C16orf95: variants seen among roughly 807,000 people sequenced by gnomAD.
C16orf95 encodes the protein chromosome 16 open reading frame 95.
In C16orf95, 41 loss-of-function variants were observed where a neutral mutation model predicts 32.1. The observed-to-expected ratio is 1.28, with a 90% CI of 1.00 to 1.66. The LOEUF (loss-of-function observed/expected upper bound fraction) is 1.66, where lower values mean the gene tolerates loss of function less well. Ranked by LOEUF, C16orf95 falls within the 40% of genes most tolerant of loss-of-function variation. The probability of loss-of-function intolerance (pLI) is 0.00; values close to 1 mark genes in which losing one functional copy is unlikely to be tolerated. For missense variants in C16orf95, 399 were observed against 325.9 expected, an observed-to-expected ratio of 1.22 and a Z score of -1.73; for synonymous variants, 147 against 128.9, an observed-to-expected ratio of 1.14 and a Z score of -0.95.
chr16:87,306,963 A>C (rs1216547022), intron 5 of C16orf95, among the ~76,000 whole-genome samples: 1 of 152,210 alleles, frequency 6.6e-6, no homozygotes, highest in African/African-American at 2.4e-5. Context: ...ATTTAATAAA[A>C]ATAAACCCAA....
Position 87,310,276 on chromosome 16 carries a change from A to G in C16orf95, c.514+21T>C, listed in dbSNP as rs760524291. On this transcript the variant is annotated intron_variant, in intron 5 of 6. Transcript: ENST00000567970. ...TTTCTGGGGAGGGGGATGATATGAG[A>G]CACACACACACTGGAGTTACCTTGG... 4.6e-6 allele frequency: 7 copies of G among 1,525,370 alleles called. No homozygotes were observed. The African/African-American group carries it at 9.6e-5, about 21-fold the overall frequency. The allele number at this position is 1,525,370 out of a possible 1,614,324, so 94.5% of individuals were successfully genotyped here.
At chr16:87,312,360 G>A (rs993720694) in intron 3 of C16orf95, among the ~76,000 whole-genome samples, 14 of 152,156 alleles carry the variant, frequency 9.2e-5, no homozygotes, top group Non-Finnish European at 2.1e-4. Context: ...CTTGAGATCA[G>A]GTGTTTGAGA....
chr16:87,306,117 T>C (rs1911017771), intron 5 of C16orf95: 1 of 417,988 alleles, frequency 2.4e-6, no homozygotes, highest in Admixed American at 4.1e-5. Context: ...GCCTTGGGGC[T>C]GTTTTTCAAG....
chr16:87,304,805 G>C (rs573880828), intron 6 of C16orf95, among the ~76,000 whole-genome samples: 4 of 152,244 alleles, frequency 2.6e-5, no homozygotes, highest in Non-Finnish European at 5.9e-5. Flanking sequence ...GACCAAGACC[G>C]GGCTAAGCTC....
At chr16:87,316,752 A>G (rs898141210) in intron 1 of C16orf95, among the ~76,000 whole-genome samples, 1 of 152,128 alleles carries the variant, frequency 6.6e-6, no homozygotes, top group African/African-American at 2.4e-5. Flanking sequence ...CTTTTTGTTG[A>G]GGTTGATAAT....
intron 3 of C16orf95, among the ~76,000 whole-genome samples, chr16:87,312,361 G>T (rs770587789): frequency 1.3e-5 from 2 of 152,154 alleles, no homozygotes. Flanking sequence ...TTGAGATCAG[G>T]TGTTTGAGAC....
intron 3 of C16orf95, among the ~76,000 whole-genome samples, chr16:87,313,095 T>A (rs1911355601): frequency 6.6e-6 from 1 of 152,042 alleles, no homozygotes; most frequent in South Asian, 2.1e-4. Flanking sequence ...GACAGTTCTC[T>A]TCAAACTGAT....
At chr16:87,304,375 G>C (rs1300612595) in intron 6 of C16orf95, among the ~76,000 whole-genome samples, 2 of 151,400 alleles carry the variant, frequency 1.3e-5, no homozygotes, top group Non-Finnish European at 1.5e-5. Flanking sequence ...CTAAGGCTGG[G>C]ATCCAGGTGT....
At chr16:87,309,524 C>G (rs553880446) in intron 5 of C16orf95, among the ~76,000 whole-genome samples, 1 of 151,698 alleles carries the variant, frequency 6.6e-6, no homozygotes, top group South Asian at 2.1e-4. Context: ...GCTGGGACTA[C>G]AGACATGTGC....
At chr16:87,304,102 C>T (rs1278681849) in intron 6 of C16orf95, among the ~76,000 whole-genome samples, 3 of 152,200 alleles carry the variant, frequency 2.0e-5, no homozygotes, top group Non-Finnish European at 4.4e-5. Context: ...ACTGCAACTG[C>T]ACTCTCCTGG....
chr16:87,315,800 T>G lies in C16orf95; in HGVS notation c.176A>C (p.Lys59Thr). ...ATGACGGGGGAGGCACACTTCTTTC[T>G]TGTAGGTTTGAAATGTGCTATTCCT... ...DGRNSTFQTY[K>T]KEVCLPRHSM... The change falls in exon 2 of 7, where the codon AAG becomes ACG. Residue 59 changes from lysine to threonine, a missense_variant. Lys to Thr is a moderately conservative substitution (Grantham distance 78, BLOSUM62 -1). Transcript: ENST00000567970. 2 of 1,531,252 alleles carry G rather than the reference T, an allele frequency of 1.3e-6. No individual in the cohort carries two copies. Among genetic ancestry groups the G allele is most frequent in the Non-Finnish European group, 1.7e-6 (2 of 1,144,456 alleles). The allele number at this position is 1,531,252 out of a possible 1,614,324, so 94.9% of individuals were successfully genotyped here. A position where few individuals can be genotyped will look rare whatever the true frequency, so the allele number is the denominator to read the frequency against.
At position 87,302,910 on chromosome 16, in the gene C16orf95, G is replaced by C. The variant is rs1335210434; in HGVS notation, c.*147C>G. On this transcript the variant is annotated 3_prime_UTR_variant, in exon 7 of 7. Coordinates refer to ENST00000567970, the MANE Select transcript of C16orf95 (RefSeq NM_001195124.3). Reference sequence around the variant, plus strand: ...GCTACAACCAAGAATCACCTGATGAGAAATCATTTGGGTTGAATCCTGGGT... The same window carrying C: ...GCTACAACCAAGAATCACCTGATGACAAATCATTTGGGTTGAATCCTGGGT... 1 of 817,422 alleles carries C rather than the reference G, an allele frequency of 1.2e-6. No homozygotes were observed. The highest frequency in any genetic ancestry group is 1.7e-5 in the African/African-American group (1 of 59,164). 50.6% of individuals were successfully genotyped at this position (817,422 alleles called of 1,614,324 possible). A position where few individuals can be genotyped will look rare whatever the true frequency, so the allele number is the denominator to read the frequency against.
chr16:87,311,261 G>A lies in C16orf95; in HGVS notation c.366C>T (p.Thr122=), dbSNP rs74038425. The part of the protein sequence containing the change: ...QKTVQFPIPQ[T]AKMCPCLCHR... ...GGCATAGGCAGGGGCACATCTTGGCGGTTTGGGGGATAGGAAATTGAACCG... is the reference window on the plus strand; with the variant it reads ...GGCATAGGCAGGGGCACATCTTGGCAGTTTGGGGGATAGGAAATTGAACCG... The change falls in exon 4 of 7, where the codon ACC becomes ACT. Residue 122 remains threonine, a synonymous_variant. Transcript: ENST00000567970. 258,870 of 1,534,698 alleles carry A rather than the reference G, an allele frequency of 0.17. 23,250 individuals are homozygous for A. Among genetic ancestry groups the A allele is most frequent in the South Asian group, 0.3 (24,835 of 83,938 alleles).
intron 3 of C16orf95, 93 bp downstream of exon 3, chr16:87,314,878 C>A: frequency 9.6e-7 from 1 of 1,039,436 alleles, no homozygotes; most frequent in Non-Finnish European, 1.4e-6. Context: ...TTAAAATATC[C>A]ATTCATATAA....
Position 87,317,135 on chromosome 16 carries a change from G to T in C16orf95, c.108C>A (p.Val36=). 1.3e-6 allele frequency: 2 copies of T among 1,534,070 alleles called. No individual in the cohort carries two copies. Among genetic ancestry groups the T allele is most frequent in the Non-Finnish European group, 8.7e-7 (1 of 1,145,766 alleles). ...GTGTGAGTGCCAACCTGCAGAGCCC[G>T]ACGCACCCCGCGCCCGGCCCCCCGG... ...AAAGGPGAGC[V]GLCRLALTPS... is the part of the protein sequence containing the mutation. Residue 36 remains valine (V), a synonymous_variant, in exon 1 of 7, where the codon GTC becomes GTA. Coordinates refer to ENST00000567970, the MANE Select transcript of C16orf95 (RefSeq NM_001195124.3).
chr16:87,315,190 G>A (rs1158993247), intron 2 of C16orf95, 94 bp from the exon 3 acceptor site: 6 of 1,335,132 alleles, frequency 4.5e-6, no homozygotes, highest in South Asian at 1.5e-5. Context: ...TGCTCAGGAA[G>A]ATGGTGTCCG....
chr16:87,306,170 C>T (rs1005296924), intron 5 of C16orf95: 1 of 321,320 alleles, frequency 3.1e-6, no homozygotes, highest in African/African-American at 2.1e-5. Flanking sequence ...TGTGCAATGT[C>T]TAGCTGGGAC....
Position 87,310,452 on chromosome 16 carries a change from G to A in C16orf95, c.478-119C>T. 3.0e-6 allele frequency: 3 copies of A among 987,288 alleles called. No individual in the cohort carries two copies. In the South Asian group the frequency reaches 4.3e-5, roughly 14 times the overall value. 61.2% of individuals were successfully genotyped at this position (987,288 alleles called of 1,614,324 possible). A position where few individuals can be genotyped will look rare whatever the true frequency, so the allele number is the denominator to read the frequency against. On this transcript the variant is annotated intron_variant, in intron 4 of 6. Coordinates refer to ENST00000567970, the MANE Select transcript of C16orf95 (RefSeq NM_001195124.3). ...TGGCCAGCTCAAGATAAAAGCCAAG[G>A]GCTCCTCCTTATGAGGTCTGCGGGC... is the stretch of plus-strand genomic sequence containing the variant.
At chr16:87,310,454 C>T (rs1347950913) in intron 4 of C16orf95, 121 bp from the exon 5 acceptor site, 1 of 969,994 alleles carries the variant, frequency 1.0e-6, no homozygotes, top group East Asian at 2.6e-5. Flanking sequence ...AAGCCAAGGG[C>T]TCCTCCTTAT....
Sources: gnomAD v4.1 joint callset for allele counts (sites outside exome capture counted in the v4.1 genomes callset) on GRCh38, gnomAD v4.1.1 for gene constraint, MANE v1.5 for transcripts, NCBI Gene and HGNC (gene_info 2026-07-23, HGNC 2026-07-21) for gene names.